The following DLGAP1 variants were observed in gnomAD, a reference collection of about 807,000 sequenced individuals.
DLGAP1 encodes DLG associated protein 1.
In DLGAP1, 11 loss-of-function variants were observed where a neutral mutation model predicts 90.8. That is an observed-to-expected ratio of 0.12 (90% CI 0.08 to 0.20). DLGAP1 has a LOEUF of 0.20. DLGAP1 is among the 10% of genes least tolerant of loss of function. The probability of loss-of-function intolerance (pLI) is 1.00; values close to 1 mark genes in which losing one functional copy is unlikely to be tolerated. For missense variants in DLGAP1, 1,050 were observed against 1,333.8 expected (o/e 0.79, Z 3.31); for synonymous variants, 558 against 540.7 (o/e 1.03, Z -0.44).
chr18:3,582,697 A>G (rs1351254798), intron 7 of DLGAP1, among the ~76,000 whole-genome samples: 1 of 152,168 alleles, frequency 6.6e-6, no homozygotes, highest in Non-Finnish European at 1.5e-5. Context: ...ATGGAAAAAG[A>G]AAAAAGGAAG....
chr18:3,571,972 T>TATTG (rs2054816378), intron 8 of DLGAP1, among the ~76,000 whole-genome samples: 1 of 152,172 alleles, frequency 6.6e-6, no homozygotes, highest in African/African-American at 2.4e-5. Flanking sequence ...ATATTTTGTT[T>TATTG]ATTGATAATA....
rs771405282 is a variant in DLGAP1, at chr18:3,499,350, G to C, written c.2769C>G (p.Gly923=). Residue 923 remains glycine (G), a synonymous_variant, in exon 13 of 13, where the codon GGC becomes GGG. Coordinates refer to ENST00000315677, the MANE Select transcript of DLGAP1 (RefSeq NM_004746.4). This position sits in a 1 kb window ranked among gnomAD's most constrained non-coding sequence, Gnocchi z 6.4. ...AGCGCTCCCGGATCAGCGGCGCGGG[G>C]CCCTTCGCCGGCTTCTTTGGCACTG... ...PPPVPKKPAK[G]PAPLIRERSL... 2 of 1,553,976 alleles carry C rather than the reference G, an allele frequency of 1.3e-6. No individual in the cohort carries two copies. The highest frequency in any genetic ancestry group is 4.8e-5 in the East Asian group (2 of 41,308).
At chr18:4,172,012 G>T (rs184364556) in intron 1 of DLGAP1, among the ~76,000 whole-genome samples, 1 of 152,274 alleles carries the variant, frequency 6.6e-6, no homozygotes, top group Non-Finnish European at 1.5e-5. Context: ...AGATCAGATG[G>T]AAGACAATCA....
At chr18:4,445,786 T>A (rs75098946) in intron 1 of DLGAP1, among the ~76,000 whole-genome samples, 6,666 of 152,076 alleles carry the variant, frequency 0.044, 491 homozygotes, top group African/African-American at 0.15. Context: ...GTAATCCAGA[T>A]AAATGCAACT....
chr18:3,555,574 G>A (rs921713228), intron 9 of DLGAP1, among the ~76,000 whole-genome samples: 6 of 152,166 alleles, frequency 3.9e-5, no homozygotes, highest in African/African-American at 1.4e-4. Context: ...ACTTTGGGAG[G>A]CCGAGGCGGG....
chr18:3,772,402 T>TCCTTCTCTCTCTCTC (rs2064710602), intron 5 of DLGAP1, among the ~76,000 whole-genome samples: 1 of 36,624 alleles, frequency 2.7e-5, no homozygotes, highest in African/African-American at 6.4e-5. Flanking sequence ...CTTTCTTTCT[T>TCCTTCTCTCTCTCTC]TCTTTCTCTT....
At chr18:3,543,517 T>C (rs1384865369) in intron 9 of DLGAP1, among the ~76,000 whole-genome samples, 2 of 151,830 alleles carry the variant, frequency 1.3e-5, no homozygotes, top group African/African-American at 4.8e-5. Flanking sequence ...AGCCAGAGAG[T>C]AGTGCTAAAT....
intron 5 of DLGAP1, among the ~76,000 whole-genome samples, chr18:3,772,377 TTTCTTTCTTTCTTTC>T (rs2064695337): frequency 7.1e-4 from 11 of 15,456 alleles, no homozygotes; most frequent in African/African-American, 1.1e-3. Flanking sequence ...TCTTTCTTTC[TTTCTTTCTTTCTTTC>T]TTTCTTTCTT....
chr18:3,983,787 A>G (rs1267885675), intron 3 of DLGAP1: 1 of 152,210 alleles, frequency 6.6e-6, no homozygotes, highest in Non-Finnish European at 1.5e-5. Context: ...AAAATAAATC[A>G]TCAGCCCATT....
chr18:3,811,005 C>A (rs1300367949), intron 5 of DLGAP1, among the ~76,000 whole-genome samples: 3 of 151,960 alleles, frequency 2.0e-5, no homozygotes, highest in Non-Finnish European at 4.4e-5. Flanking sequence ...AAGGTTTTGC[C>A]ATGTTGCCCA....
At chr18:4,249,508 T>C (rs1449803219) in intron 1 of DLGAP1, among the ~76,000 whole-genome samples, 1 of 149,136 alleles carries the variant, frequency 6.7e-6, no homozygotes, top group Non-Finnish European at 1.5e-5. Flanking sequence ...CTTACCCAAA[T>C]GAGTCAGGCA....
chr18:3,694,802 T>G (rs1163217035), intron 7 of DLGAP1, among the ~76,000 whole-genome samples: 1 of 152,178 alleles, frequency 6.6e-6, no homozygotes. Context: ...ATGGATAGAT[T>G]GCAAAAATTT....
At position 3,496,278 on chromosome 18, in the gene DLGAP1, GTTAT is replaced by G. The variant is rs1271789342; in HGVS notation, c.*2903_*2906del. ...AGATATGCTAGTGATTTACATTCCA[GTTAT>G]TTAAAATATGCATCTAGACATGTTT... On this transcript the variant is annotated 3_prime_UTR_variant, in exon 13 of 13. Coordinates refer to ENST00000315677, the MANE Select transcript of DLGAP1 (RefSeq NM_004746.4). 6.6e-6 allele frequency: 1 copy of G among 151,920 alleles called. No individual in the cohort carries two copies. 9.4% of individuals were successfully genotyped at this position (151,920 alleles called of 1,614,324 possible).
rs571239467 is a variant in DLGAP1 at position 4,147,997 on chromosome 18, A to G, written c.-159+3183T>C. Among the ~76,000 whole-genome samples, 4 of 152,320 alleles carry G rather than the reference A, an allele frequency of 2.6e-5. No homozygotes were observed. In the East Asian group the frequency reaches 7.7e-4, roughly 29 times the overall value. On this transcript the variant is annotated intron_variant, in intron 2 of 12. Coordinates refer to ENST00000315677, the MANE Select transcript of DLGAP1 (RefSeq NM_004746.4). ...TCCAGAACAGGGGTGTCCGAGGGAG[A>G]GAATACAGTTATGTGTTCTTAGTTT...
intron 3 of DLGAP1, among the ~76,000 whole-genome samples, chr18:3,970,403 A>G (rs2149002863): frequency 6.6e-6 from 1 of 152,320 alleles, no homozygotes; most frequent in Non-Finnish European, 1.5e-5. Context: ...ATTTTGTAGC[A>G]CTAATAATAA....
rs532849623 is a variant in DLGAP1, at chr18:4,439,158, G to GC, written c.-267+15847dup. Among the ~76,000 whole-genome samples the GC allele has an allele frequency of 2.7e-4, 41 of 152,234 alleles. No homozygotes were observed. The South Asian group carries it at 7.9e-3, about 29-fold the overall frequency. On this transcript the variant is annotated intron_variant, in intron 1 of 12. Transcript: ENST00000315677. ...CCCCGTGGCCTCTCAGCATCCTGCT[G>GC]CCCCCCTGGGTTTAATCCTACCCAT...
chr18:4,253,932 T>A (rs1043509646), intron 1 of DLGAP1, among the ~76,000 whole-genome samples: 2 of 152,206 alleles, frequency 1.3e-5, no homozygotes, highest in African/African-American at 4.8e-5. Flanking sequence ...GTTCTCAGGT[T>A]TGGCAGCCTG....
At chr18:3,568,614 AATT>A (rs2054569965) in intron 8 of DLGAP1, among the ~76,000 whole-genome samples, 1 of 152,116 alleles carries the variant, frequency 6.6e-6, no homozygotes, top group South Asian at 2.1e-4. Context: ...GTCTCCCAAG[AATT>A]ATTGTCAATT....
At chr18:3,614,615 C>T (rs903371223) in intron 7 of DLGAP1, among the ~76,000 whole-genome samples, 3 of 147,482 alleles carry the variant, frequency 2.0e-5, no homozygotes, top group Admixed American at 6.9e-5. Flanking sequence ...CCGAGGTGGG[C>T]GGATCACCTG....
Sources: allele counts gnomAD v4.1 joint callset (sites outside exome capture counted in the v4.1 genomes callset), GRCh38; gene constraint gnomAD v4.1.1; non-coding constraint Gnocchi (gnomAD v3.1); transcripts MANE v1.5; gene names NCBI Gene and HGNC (gene_info 2026-07-23, HGNC 2026-07-21).